The following PDHX variants were observed in gnomAD, a reference collection of about 807,000 sequenced individuals.
PDHX encodes the protein pyruvate dehydrogenase protein X component, mitochondrial.
A neutral mutation model predicts 55.3 loss-of-function variants in PDHX; 33 were observed. The observed-to-expected ratio is 0.60, with a 90% CI of 0.45 to 0.80. PDHX has a LOEUF of 0.80. PDHX is among the 30% of genes least tolerant of loss of function. The pLI, the probability that PDHX is intolerant of heterozygous loss-of-function variation, is 0.00. For missense variants in PDHX, 622 were observed against 619.9 expected (o/e 1.00, Z -0.04); for synonymous variants, 226 against 219.4 (o/e 1.03, Z -0.27).
At chr11:34,983,798 T>G (rs1855578214) in intron 8 of PDHX, among the ~76,000 whole-genome samples, 1 of 152,176 alleles carries the variant, frequency 6.6e-6, no homozygotes, top group South Asian at 2.1e-4. Context: ...TGGAAGAACA[T>G]TCCATGGTCA....
chr11:34,947,534 A>C lies in PDHX; in HGVS notation c.270A>C (p.Leu90Phe), dbSNP rs778024968. 6.2e-7 allele frequency: 1 copy of C among 1,613,504 alleles called. No homozygotes were observed. Among genetic ancestry groups the C allele is most frequent in the Non-Finnish European group, 8.5e-7 (1 of 1,179,494 alleles). The change falls in exon 3 of 11, where the codon TTA (leucine) becomes TTC (phenylalanine). Residue 90 changes from leucine to phenylalanine, a missense_variant. Leu to Phe is a conservative substitution (Grantham distance 22). Coordinates refer to ENST00000227868, the MANE Select transcript of PDHX (RefSeq NM_003477.3). ...EGEAVSAGDA[L>F]CEIETDKAVV... Reference sequence around the variant, plus strand: ...AAGCGGTGAGTGCTGGAGATGCATTATGTGAAATTGAGACTGACAAAGCTG... The same window carrying C: ...AAGCGGTGAGTGCTGGAGATGCATTCTGTGAAATTGAGACTGACAAAGCTG...
At chr11:34,927,867 A>T (rs1011861116) in intron 1 of PDHX, among the ~76,000 whole-genome samples, 2 of 152,154 alleles carry the variant, frequency 1.3e-5, no homozygotes, top group African/African-American at 2.4e-5. Context: ...CCTTCATTTC[A>T]GAGTAAAGAT....
At chr11:34,971,234 A>G (rs547127503) in intron 7 of PDHX, among the ~76,000 whole-genome samples, 14 of 152,300 alleles carry the variant, frequency 9.2e-5, no homozygotes, top group African/African-American at 2.9e-4. Context: ...GCTGAGAGAC[A>G]TACAGATTTT....
At chr11:34,945,616 GT>G (rs140685908) in intron 2 of PDHX, among the ~76,000 whole-genome samples, 2 of 151,662 alleles carry the variant, frequency 1.3e-5, no homozygotes, top group African/African-American at 2.4e-5. Flanking sequence ...GAGGTAATCT[GT>G]TTTTTTTCCC....
chr11:34,941,788 G>T (rs567551801), intron 2 of PDHX: 1 of 154,434 alleles, frequency 6.5e-6, no homozygotes, highest in Non-Finnish European at 1.5e-5. Context: ...GTATACTTCA[G>T]TCCTCAGCTC....
intron 1 of PDHX, among the ~76,000 whole-genome samples, chr11:34,926,881 G>C (rs1854035630): frequency 6.6e-6 from 1 of 152,052 alleles, no homozygotes; most frequent in Admixed American, 6.5e-5. Context: ...CCCATTTGAG[G>C]AAATACAGGA....
chr11:34,992,423 A>G (rs772187273), intron 10 of PDHX, 44 bp downstream of exon 10: 3 of 993,752 alleles, frequency 3.0e-6, no homozygotes, highest in Non-Finnish European at 4.9e-6. Context: ...AAACAGATAG[A>G]TGTAAGACTT....
intron 5 of PDHX, among the ~76,000 whole-genome samples, chr11:34,963,748 TGC>T (rs1273110395): frequency 6.6e-6 from 1 of 152,218 alleles, no homozygotes; most frequent in Non-Finnish European, 1.5e-5. Context: ...AAACAAGCAT[TGC>T]TCAGAATACA....
intron 10 of PDHX, 114 bp downstream of exon 10, chr11:34,992,493 T>C (rs1855775799): frequency 1.5e-6 from 1 of 655,674 alleles, no homozygotes; most frequent in African/African-American, 1.8e-5. Context: ...AAGCTAAAAA[T>C]ACTTTATTTA....
At chr11:34,957,630 G>T in intron 4 of PDHX, 47 bp downstream of exon 4, 1 of 1,422,712 alleles carries the variant, frequency 7.0e-7, no homozygotes, top group South Asian at 1.2e-5. Context: ...AAAAAGTTAT[G>T]GCAGTTCTTA....
chr11:34,916,133 C>G (rs1565143343), upstream of PDHX: 23 of 1,498,038 alleles, frequency 1.5e-5, no homozygotes, highest in Non-Finnish European at 2.1e-5. Context: ...CGCAGCTAAA[C>G]GCCCGGCCCG....
At chr11:34,993,513 A>T (rs185834639) in intron 10 of PDHX, among the ~76,000 whole-genome samples, 1 of 152,152 alleles carries the variant, frequency 6.6e-6, no homozygotes, top group Non-Finnish European at 1.5e-5. Flanking sequence ...CCCCATATGG[A>T]TACTAAATTT....
chr11:34,947,645 T>G lies in PDHX; in HGVS notation c.342+39T>G, dbSNP rs756250032. On this transcript the variant is annotated intron_variant, in intron 3 of 10. Transcript: ENST00000227868. ...TTAATTTTCTTCAACAGGATGAAGA[T>G]TTCTTGAGTGGAAAGTTCATTGTAG... The G allele has an allele frequency of 2.7e-5, 36 of 1,325,172 alleles. No homozygotes were observed. In the African/African-American group the frequency reaches 3.6e-4, roughly 13 times the overall value. 82.1% of individuals were successfully genotyped at this position (1,325,172 alleles called of 1,614,324 possible).
intron 1 of PDHX, among the ~76,000 whole-genome samples, chr11:34,928,413 T>G (rs115466527): frequency 0.01 from 1,557 of 151,736 alleles, 28 homozygotes; most frequent in African/African-American, 0.036. Flanking sequence ...GAGGCTGGCC[T>G]CTTACCGTGG....
chr11:34,925,597 G>C (rs1231524369), intron 1 of PDHX, among the ~76,000 whole-genome samples: 2 of 152,176 alleles, frequency 1.3e-5, no homozygotes, highest in African/African-American at 4.8e-5. Flanking sequence ...GTATGAAAAT[G>C]TAGGTTATCA....
chr11:34,961,560 G>A (rs1423078927), intron 5 of PDHX, among the ~76,000 whole-genome samples: 1 of 152,190 alleles, frequency 6.6e-6, no homozygotes, highest in Admixed American at 6.5e-5. Flanking sequence ...AGCAATGGTT[G>A]TTAAATTATA....
chr11:34,948,220 T>G (rs1444157839), intron 3 of PDHX, among the ~76,000 whole-genome samples: 1 of 152,206 alleles, frequency 6.6e-6, no homozygotes, highest in African/African-American at 2.4e-5. Context: ...GCTCAATAAA[T>G]GTTACTTTTC....
At chr11:34,959,446 C>T (rs1854974775) in intron 4 of PDHX, among the ~76,000 whole-genome samples, 1 of 151,990 alleles carries the variant, frequency 6.6e-6, no homozygotes, top group Non-Finnish European at 1.5e-5. Context: ...CAGATTATAA[C>T]AAGTGTTGGC....
chr11:34,981,458 CAT>C (rs1312856433), intron 8 of PDHX, among the ~76,000 whole-genome samples: 5 of 152,174 alleles, frequency 3.3e-5, no homozygotes, highest in African/African-American at 9.7e-5. Context: ...CCACAATAAA[CAT>C]ATGTGTGCAT....
Sources: allele counts gnomAD v4.1 joint callset (sites outside exome capture counted in the v4.1 genomes callset), GRCh38; gene constraint gnomAD v4.1.1; transcripts MANE v1.5; gene names NCBI Gene and HGNC (gene_info 2026-07-23, HGNC 2026-07-21).